Variants in PPP1R13B observed in about 807,000 individuals in gnomAD.
PPP1R13B encodes apoptosis-stimulating of p53 protein 1.
PPP1R13B carries 44 observed loss-of-function variants against 119.8 expected under a neutral mutation model. The ratio of observed to expected loss-of-function variants is 0.37; its 90% CI spans 0.29 to 0.47. The LOEUF (loss-of-function observed/expected upper bound fraction) is 0.47, where lower values mean the gene tolerates loss of function less well. PPP1R13B is among the 20% of genes least tolerant of loss of function. The pLI is 0.99. For synonymous variants in PPP1R13B, 542 were observed against 561.5 expected (o/e 0.97, Z 0.49); for missense variants, 1,227 against 1,413.5 (o/e 0.87, Z 2.12).
intron 1 of PPP1R13B, chr14:103,804,021 C>T: frequency 5.1e-6 from 5 of 975,598 alleles, no homozygotes; most frequent in Non-Finnish European, 6.1e-6. Flanking sequence ...ACTACATCCT[C>T]TACTGGAACA....
At chr14:103,848,223 G>C, upstream of PPP1R13B, 1 of 983,558 alleles carries the variant, frequency 1.0e-6, no homozygotes, top group Non-Finnish European at 1.2e-6. Context: ...CTTCGCCCGA[G>C]CGATCTCCCG....
Position 103,740,704 on chromosome 14 carries a change from G to A in PPP1R13B, c.1823-111C>T, listed in dbSNP as rs1463999782. The A allele has an allele frequency of 2.2e-6, 2 of 888,990 alleles. No homozygotes were observed. The highest frequency in any genetic ancestry group is 3.0e-5 in the East Asian group (1 of 33,594). 55.1% of individuals were successfully genotyped at this position (888,990 alleles called of 1,614,324 possible). A position where few individuals can be genotyped will look rare whatever the true frequency, so the allele number is the denominator to read the frequency against. Reference sequence around the variant, plus strand: ...CCTGCAAAGACACACATATACATCTGCTGCTGTTATTCAATTCTCATTTCA... The same window carrying A: ...CCTGCAAAGACACACATATACATCTACTGCTGTTATTCAATTCTCATTTCA... On this transcript the variant is annotated intron_variant, in intron 11 of 16. Transcript: ENST00000202556. The surrounding 1 kb of genome is among the most constrained non-coding windows in gnomAD (Gnocchi z 4.6).
chr14:103,760,161 G>A (rs1206994533), intron 4 of PPP1R13B, among the ~76,000 whole-genome samples: 1 of 151,982 alleles, frequency 6.6e-6, no homozygotes, highest in African/African-American at 2.4e-5. Context: ...TTCAGTAATT[G>A]TGCAATGTGA....
chr14:103,842,717 TG>T (rs1249746707), intron 1 of PPP1R13B, among the ~76,000 whole-genome samples: 2 of 151,614 alleles, frequency 1.3e-5, no homozygotes, highest in Admixed American at 1.3e-4. Flanking sequence ...GGCTCACACC[TG>T]TAATCCCACC....
rs756101764 is a variant in PPP1R13B, at chr14:103,742,269, G to A, written c.1343C>T (p.Pro448Leu). ...EKPGIEIGKV[P>L]PPIPGVGKQL... is the part of the protein sequence containing the mutation. The stretch of plus-strand genomic sequence containing the variant: ...CTTGCCTACACCCGGGATGGGAGGT[G>A]GCACTTTACCAATCTCGATGCCCTA... The change falls in exon 11 of 17, where the codon CCA becomes CTA. Residue 448 changes from proline (P) to leucine (L), a missense_variant. Physicochemically the swap from Pro to Leu is moderately conservative, Grantham distance 98. Coordinates refer to ENST00000202556, the MANE Select transcript of PPP1R13B (RefSeq NM_015316.3). The surrounding 1 kb of genome is among the most constrained non-coding windows in gnomAD (Gnocchi z 4.9). 3.2e-6 allele frequency: 5 copies of A among 1,568,198 alleles called. No individual in the cohort carries two copies. Among genetic ancestry groups the A allele is most frequent in the Non-Finnish European group, 4.3e-6 (5 of 1,162,962 alleles).
At chr14:103,846,542 TAA>T (rs1257597703) in intron 1 of PPP1R13B, among the ~76,000 whole-genome samples, 4 of 152,188 alleles carry the variant, frequency 2.6e-5, no homozygotes, top group African/African-American at 9.7e-5. Flanking sequence ...CATTTTTTCA[TAA>T]GTCATGATGC....
At chr14:103,842,664 G>A (rs995755680) in intron 1 of PPP1R13B, among the ~76,000 whole-genome samples, 2 of 151,746 alleles carry the variant, frequency 1.3e-5, no homozygotes, top group South Asian at 4.2e-4. Flanking sequence ...TTGACTCGTC[G>A]ATACTCTTTT....
At chr14:103,842,537 A>C (rs1392376040) in intron 1 of PPP1R13B, among the ~76,000 whole-genome samples, 1 of 150,782 alleles carries the variant, frequency 6.6e-6, no homozygotes, top group African/African-American at 2.4e-5. Flanking sequence ...TCCTGACCTC[A>C]GGTGATCTGC....
chr14:103,772,882 G>T (rs916895488), intron 4 of PPP1R13B, among the ~76,000 whole-genome samples: 1 of 152,078 alleles, frequency 6.6e-6, no homozygotes, highest in African/African-American at 2.4e-5. Context: ...GGCCAGGCTG[G>T]TCTCGAACTC....
chr14:103,828,925 T>G (rs2086609539), intron 1 of PPP1R13B, among the ~76,000 whole-genome samples: 1 of 152,240 alleles, frequency 6.6e-6, no homozygotes, highest in South Asian at 2.1e-4. Flanking sequence ...TCCTCTTACC[T>G]GTCTTCCAAG....
chr14:103,783,021 G>A (rs1358990407), intron 3 of PPP1R13B, among the ~76,000 whole-genome samples: 1 of 151,966 alleles, frequency 6.6e-6, no homozygotes, highest in African/African-American at 2.4e-5. Flanking sequence ...GGCCAGGCTG[G>A]TCTCGAACTC....
intron 1 of PPP1R13B, among the ~76,000 whole-genome samples, chr14:103,841,767 TGAAA>T (rs944121281): frequency 6.6e-6 from 1 of 152,172 alleles, no homozygotes; most frequent in African/African-American, 2.4e-5. Context: ...GCTTCGGAAA[TGAAA>T]GAGTTTACTA....
At chr14:103,747,583 T>C (rs2084418532) in intron 8 of PPP1R13B, among the ~76,000 whole-genome samples, 1 of 152,132 alleles carries the variant, frequency 6.6e-6, no homozygotes, top group Admixed American at 6.5e-5. Flanking sequence ...GAGTAAGTTA[T>C]TTAGTGGTGA....
At chr14:103,763,140 C>T (rs1202528138) in intron 4 of PPP1R13B, 3 of 643,848 alleles carry the variant, frequency 4.7e-6, no homozygotes, top group Non-Finnish European at 5.6e-6. Context: ...CACACTGCCA[C>T]CTTATGACAG....
At chr14:103,803,536 G>A (rs139172790) in intron 1 of PPP1R13B, among the ~76,000 whole-genome samples, 1,866 of 152,126 alleles carry the variant, frequency 0.012, 37 homozygotes, top group African/African-American at 0.042. Flanking sequence ...CCAGCTACTC[G>A]GGAGGCTGAG....
In PPP1R13B at chr14:103,733,615, G is replaced by C. The variant is rs1423024363; in HGVS notation, c.*1539C>G. ...ACTATTTCACTTTATTAAGATGACT[G>C]TACAGCAATTTGTATATAAAGCTTA... On this transcript the variant is annotated 3_prime_UTR_variant, in exon 17 of 17. Coordinates refer to ENST00000202556, the MANE Select transcript of PPP1R13B (RefSeq NM_015316.3). The C allele has an allele frequency of 6.5e-6, 1 of 152,866 alleles. No homozygotes were observed. The highest frequency in any genetic ancestry group is 1.5e-5 in the Non-Finnish European group (1 of 68,240). 9.5% of individuals were successfully genotyped at this position (152,866 alleles called of 1,614,324 possible).
chr14:103,784,370 G>A (rs998234903), intron 3 of PPP1R13B, among the ~76,000 whole-genome samples: 2 of 151,906 alleles, frequency 1.3e-5, no homozygotes, highest in Non-Finnish European at 2.9e-5. Context: ...ATCACTTGAG[G>A]TCAAGAGTTC....
At chr14:103,812,082 C>G (rs866864024) in intron 1 of PPP1R13B, among the ~76,000 whole-genome samples, 2 of 139,958 alleles carry the variant, frequency 1.4e-5, no homozygotes, top group South Asian at 4.7e-4. Flanking sequence ...AAAAAAAAAA[C>G]CTCAATAATC....
chr14:103,766,903 A>G (rs554444337), intron 4 of PPP1R13B, among the ~76,000 whole-genome samples: 1 of 152,334 alleles, frequency 6.6e-6, no homozygotes, highest in East Asian at 1.9e-4. Flanking sequence ...AACTAATGGG[A>G]AAGGATTAAT....
Sources: allele counts gnomAD v4.1 joint callset (sites outside exome capture counted in the v4.1 genomes callset), GRCh38; gene constraint gnomAD v4.1.1; non-coding constraint Gnocchi (gnomAD v3.1); transcripts MANE v1.5; gene names NCBI Gene and HGNC (gene_info 2026-07-23, HGNC 2026-07-21).